The following TNFRSF10B variants were observed in gnomAD, a reference collection of about 807,000 sequenced individuals.
TNFRSF10B encodes TNF receptor superfamily member 10b, also known as tumor necrosis factor receptor superfamily member 10B.
A neutral mutation model predicts 41.4 loss-of-function variants in TNFRSF10B; 35 were observed. The observed-to-expected ratio is 0.85, with a 90% CI of 0.65 to 1.12. The LOEUF (loss-of-function observed/expected upper bound fraction) is 1.12, where lower values mean the gene tolerates loss of function less well. TNFRSF10B is among the 50% of genes most tolerant of loss of function. The pLI, the probability that TNFRSF10B is intolerant of heterozygous loss-of-function variation, is 0.00. For synonymous variants in TNFRSF10B, 230 were observed against 215.5 expected (o/e 1.07, Z -0.59); for missense variants, 584 against 552.7 (o/e 1.06, Z -0.57).
At chr8:23,063,578 C>A (rs1449586349) in intron 1 of TNFRSF10B, among the ~76,000 whole-genome samples, 2 of 152,160 alleles carry the variant, frequency 1.3e-5, no homozygotes, top group Non-Finnish European at 2.9e-5. Flanking sequence ...CCACAAACCT[C>A]TTTCCTCTTC....
intron 2 of TNFRSF10B, among the ~76,000 whole-genome samples, chr8:23,032,689 A>G (rs1227401350): frequency 6.6e-6 from 1 of 152,238 alleles, no homozygotes; most frequent in Non-Finnish European, 1.5e-5. Context: ...TTCTTACAGC[A>G]ATGTTTGATA....
In TNFRSF10B at chr8:23,022,967, C is replaced by T. The variant is rs778737106; in HGVS notation, c.1027G>A (p.Asp343Asn). 17 of 1,612,588 alleles carry T rather than the reference C, an allele frequency of 1.1e-5. No individual in the cohort carries two copies. The highest frequency in any genetic ancestry group is 4.4e-5 in the South Asian group (4 of 91,072). Residue 343 changes from aspartate to asparagine, a missense_variant, in exon 9 of 9, where the codon GAT becomes AAT. Asp to Asn is a conservative substitution (Grantham distance 23, BLOSUM62 1). Transcript: ENST00000276431. Reference sequence around the variant, plus strand: ...AAGGGCACCAAGTCTGCAAAGTCATCGAAGCACTGTCTCAGAGCTGGTGGA... The same window carrying T: ...AAGGGCACCAAGTCTGCAAAGTCATTGAAGCACTGTCTCAGAGCTGGTGGA... ...DPTETLRQCFDDFADLVPFDS... is the reference protein window; with the variant it reads ...DPTETLRQCFNDFADLVPFDS...
chr8:23,025,374 A>T (rs1213760475), intron 7 of TNFRSF10B, among the ~76,000 whole-genome samples: 1 of 152,238 alleles, frequency 6.6e-6, no homozygotes, highest in Non-Finnish European at 1.5e-5. Context: ...TCCTAGAACC[A>T]TGTATTAATT....
intron 1 of TNFRSF10B, among the ~76,000 whole-genome samples, chr8:23,045,060 C>CAAAAAAAAAAAAAA (rs35953846): frequency 4.1e-4 from 16 of 38,798 alleles, no homozygotes; most frequent in South Asian, 1.3e-3. Context: ...TAATAAAATA[C>CAAAAAAAAAAAAAA]AAAAAAAAAA....
At chr8:23,052,467 T>C (rs894534707) in intron 1 of TNFRSF10B, among the ~76,000 whole-genome samples, 4 of 151,978 alleles carry the variant, frequency 2.6e-5, no homozygotes, top group African/African-American at 9.7e-5. Context: ...TTGTACTTTT[T>C]AGTAGAGACG....
At chr8:23,059,192 G>A (rs765355001) in intron 1 of TNFRSF10B, among the ~76,000 whole-genome samples, 19 of 152,148 alleles carry the variant, frequency 1.2e-4, no homozygotes, top group Non-Finnish European at 2.4e-4. Context: ...CCTTTTCAAG[G>A]CTGAGTAATA....
intron 1 of TNFRSF10B, among the ~76,000 whole-genome samples, chr8:23,048,148 A>T (rs893747035): frequency 6.6e-6 from 1 of 152,220 alleles, no homozygotes; most frequent in Non-Finnish European, 1.5e-5. Context: ...ATTGAAAACA[A>T]CGAGGCTGGG....
At chr8:23,045,596 C>T (rs755240019) in intron 1 of TNFRSF10B, among the ~76,000 whole-genome samples, 5 of 152,152 alleles carry the variant, frequency 3.3e-5, no homozygotes, top group Non-Finnish European at 7.3e-5. Context: ...ACAAGGCTTG[C>T]ATTACCTTGA....
chr8:23,030,583 G>A (rs976449706), intron 3 of TNFRSF10B, among the ~76,000 whole-genome samples, 176 bp downstream of exon 3: 7 of 152,104 alleles, frequency 4.6e-5, no homozygotes, highest in Admixed American at 3.9e-4. Flanking sequence ...ACAGGCATGA[G>A]CCACTGTGCC....
chr8:23,022,543 T>C lies in TNFRSF10B; in HGVS notation c.*128A>G. 1 of 971,858 alleles carries C rather than the reference T, an allele frequency of 1.0e-6. No homozygotes were observed. The highest frequency in any genetic ancestry group is 1.6e-6 in the Non-Finnish European group (1 of 623,954). The allele number at this position is 971,858 out of a possible 1,614,324, so 60.2% of individuals were successfully genotyped here. A position where few individuals can be genotyped will look rare whatever the true frequency, so the allele number is the denominator to read the frequency against. ...GTTCCATCCACTGGGTGATGTTGGA[T>C]GGGAGAGTTTCTTCCAGTACCGGTC... On this transcript the variant is annotated 3_prime_UTR_variant, in exon 9 of 9. Transcript: ENST00000276431.
At chr8:23,030,659 G>A (rs1811853327) in intron 3 of TNFRSF10B, 100 bp downstream of exon 3, 2 of 861,836 alleles carry the variant, frequency 2.3e-6, no homozygotes, top group African/African-American at 3.3e-5. Context: ...TGAAGACCAA[G>A]GTGGACCAGA....
Position 23,022,922 on chromosome 8 carries a change from T to G in TNFRSF10B, c.1072A>C (p.Met358Leu), listed in dbSNP as rs765663059. Residue 358 changes from methionine (M) to leucine (L), a missense_variant, in exon 9 of 9, where the codon ATG becomes CTG. Transcript: ENST00000276431. ...TTGTCCATGAGGCCCAACTTCCTCA[T>G]GAGCGGCTCCCAGGAGTCAAAGGGC... ...LVPFDSWEPL[M>L]RKLGLMDNEI... is the part of the protein sequence containing the mutation. 3.1e-6 allele frequency: 5 copies of G among 1,614,046 alleles called. No individual in the cohort carries two copies. In the South Asian group the frequency reaches 5.5e-5, roughly 18 times the overall value.
Position 23,021,976 on chromosome 8 carries a change from A to C in TNFRSF10B, c.*695T>G. ...ACAGAATTATAAAAGTAGAAAGGTA[A>C]GGCCAAGCATGGGGGCTCACGCCTC... On this transcript the variant is annotated 3_prime_UTR_variant, in exon 9 of 9. Coordinates refer to ENST00000276431, the MANE Select transcript of TNFRSF10B (RefSeq NM_003842.5). 2.2e-6 allele frequency: 1 copy of C among 452,174 alleles called. No homozygotes were observed. The highest frequency in any genetic ancestry group is 4.4e-6 in the Non-Finnish European group (1 of 225,452). The allele number at this position is 452,174 out of a possible 1,614,324, so 28.0% of individuals were successfully genotyped here.
intron 8 of TNFRSF10B, 120 bp from the exon 9 acceptor site, chr8:23,023,104 T>C: frequency 7.6e-7 from 1 of 1,309,422 alleles, no homozygotes; most frequent in Non-Finnish European, 1.1e-6. Context: ...CGGGCAAACC[T>C]GCCGCTCCAG....
At position 23,023,046 on chromosome 8, in the gene TNFRSF10B, C is replaced by T. The variant is rs996065966; in HGVS notation, c.1010-62G>A. On this transcript the variant is annotated intron_variant, in intron 8 of 8. Coordinates refer to ENST00000276431, the MANE Select transcript of TNFRSF10B (RefSeq NM_003842.5). ...GGGACTCAGAAAGGGCAGAGGATTCCACATCAGGCCCAGAACCCAAGGCGG... is the reference window on the plus strand; with the variant it reads ...GGGACTCAGAAAGGGCAGAGGATTCTACATCAGGCCCAGAACCCAAGGCGG... 5.7e-6 allele frequency: 9 copies of T among 1,583,590 alleles called. No homozygotes were observed. The African/African-American group carries it at 1.2e-4, about 21-fold the overall frequency.
chr8:23,047,209 T>C (rs1350392724), intron 1 of TNFRSF10B, among the ~76,000 whole-genome samples: 2 of 151,928 alleles, frequency 1.3e-5, no homozygotes, highest in East Asian at 3.9e-4. Flanking sequence ...AATACAAAAT[T>C]AGCTGGGCAT....
chr8:23,058,228 T>C (rs1197994986), intron 1 of TNFRSF10B, among the ~76,000 whole-genome samples: 3 of 152,072 alleles, frequency 2.0e-5, no homozygotes, highest in African/African-American at 2.4e-5. Flanking sequence ...GCCTGGGTAA[T>C]AGACCAAGAC....
chr8:23,048,455 A>C (rs1005805828), intron 1 of TNFRSF10B, among the ~76,000 whole-genome samples: 8 of 147,222 alleles, frequency 5.4e-5, no homozygotes, highest in Non-Finnish European at 9.1e-5. Context: ...AAAAAAAAAA[A>C]ACAACTGAAC....
intron 1 of TNFRSF10B, among the ~76,000 whole-genome samples, chr8:23,046,448 G>A (rs1355654474): frequency 2.6e-5 from 4 of 151,908 alleles, no homozygotes; most frequent in African/African-American, 9.7e-5. Context: ...AAAACGGAAA[G>A]AGACACAAAT....
Sources: allele counts gnomAD v4.1 joint callset (sites outside exome capture counted in the v4.1 genomes callset), GRCh38; gene constraint gnomAD v4.1.1; transcripts MANE v1.5; gene names NCBI Gene and HGNC (gene_info 2026-07-23, HGNC 2026-07-21).